METTL15: variants seen among roughly 807,000 people sequenced by gnomAD.
METTL15 encodes methyltransferase 15, mitochondrial 12S rRNA N4-cytidine.
Under a neutral mutation model 38.3 loss-of-function variants are expected in METTL15, and 34 were observed. The observed-to-expected ratio is 0.89, with a 90% CI of 0.68 to 1.18. The LOEUF (loss-of-function observed/expected upper bound fraction) is 1.18. Ranked by LOEUF, METTL15 falls within the 50% of genes most tolerant of loss-of-function variation. METTL15 has a pLI of 0.00. For synonymous variants in METTL15, 162 were observed against 170.9 expected, an observed-to-expected ratio of 0.95 and a Z score of 0.41; for missense variants, 438 against 498.4, an observed-to-expected ratio of 0.88 and a Z score of 1.15.
intron 4 of METTL15, among the ~76,000 whole-genome samples, chr11:28,358,044 T>G (rs772188147): frequency 2.0e-5 from 3 of 151,956 alleles, no homozygotes; most frequent in African/African-American, 7.3e-5. Context: ...GATAGAGAGA[T>G]TGAATGATTC....
chr11:28,283,508 A>G (rs1417493315), intron 4 of METTL15, among the ~76,000 whole-genome samples: 2 of 152,194 alleles, frequency 1.3e-5, no homozygotes, highest in Non-Finnish European at 2.9e-5. Flanking sequence ...ATGAAGGTCC[A>G]TGTTCCATGT....
intron 4 of METTL15, among the ~76,000 whole-genome samples, chr11:28,224,174 T>C (rs1196821423): frequency 6.6e-6 from 1 of 152,030 alleles, no homozygotes; most frequent in Non-Finnish European, 1.5e-5. Context: ...TCATTTCATC[T>C]TTCTAATTGT....
intron 3 of METTL15, among the ~76,000 whole-genome samples, chr11:28,351,141 CTTGCTCTG>C: frequency 6.6e-6 from 1 of 151,782 alleles, no homozygotes; most frequent in Middle Eastern, 3.4e-3. Flanking sequence ...AAGATGGAAT[CTTGCTCTG>C]TTGCTAGGCT....
chr11:28,230,521 G>C (rs1173892070), intron 4 of METTL15, among the ~76,000 whole-genome samples: 1 of 151,814 alleles, frequency 6.6e-6, no homozygotes, highest in Non-Finnish European at 1.5e-5. Context: ...TACCTAGAAA[G>C]ACTTCATTTT....
At chr11:28,374,333 T>C (rs1850281444) in intron 5 of METTL15, among the ~76,000 whole-genome samples, 1 of 152,134 alleles carries the variant, frequency 6.6e-6, no homozygotes, top group African/African-American at 2.4e-5. Flanking sequence ...TATCCTCTTT[T>C]ATTTCATTGA....
chr11:28,448,648 T>C (rs555825850), intron 6 of METTL15, among the ~76,000 whole-genome samples: 1 of 152,276 alleles, frequency 6.6e-6, no homozygotes, highest in East Asian at 1.9e-4. Context: ...TCTCTCTAAA[T>C]CTACCTAAGT....
At chr11:28,197,551 T>G (rs1851954720) in intron 3 of METTL15, 1 of 443,218 alleles carries the variant, frequency 2.3e-6, no homozygotes, top group African/African-American at 2.0e-5. Context: ...CTCAGAGAAG[T>G]TAAGTAACTT....
chr11:28,422,045 G>A (rs1010637527), intron 5 of METTL15, among the ~76,000 whole-genome samples: 1 of 151,804 alleles, frequency 6.6e-6, no homozygotes, highest in Non-Finnish European at 1.5e-5. Context: ...TATGCCAACA[G>A]CAAACAATCT....
chr11:28,513,665 A>G (rs1466863843), intron 6 of METTL15, among the ~76,000 whole-genome samples: 1 of 152,246 alleles, frequency 6.6e-6, no homozygotes, highest in Admixed American at 6.5e-5. Flanking sequence ...CAAGCCAGTC[A>G]TTAGCATTGT....
intron 5 of METTL15, among the ~76,000 whole-genome samples, chr11:28,412,235 C>A (rs564028664): frequency 6.6e-6 from 1 of 151,946 alleles, no homozygotes; most frequent in Admixed American, 6.6e-5. Flanking sequence ...AGCAGTCTGT[C>A]TTCTGGGTAT....
At chr11:28,368,430 T>C (rs903825236) in intron 5 of METTL15, among the ~76,000 whole-genome samples, 1 of 151,954 alleles carries the variant, frequency 6.6e-6, no homozygotes, top group Admixed American at 6.6e-5. Context: ...ATTAGAAAAA[T>C]GCAAGTCAAA....
chr11:28,351,420 G>C (rs1850040802), intron 3 of METTL15, among the ~76,000 whole-genome samples: 1 of 152,114 alleles, frequency 6.6e-6, no homozygotes, highest in Non-Finnish European at 1.5e-5. Flanking sequence ...CGGGCCCAAA[G>C]CTATGAATTC....
In METTL15 at chr11:28,396,684, C is replaced by T. The variant is rs1245395305; in HGVS notation, c.*359-27615C>T. ...TACTGCCCAAGGTAATTTATAGATTCAATGCCATCCCCATCAAGCTACCAA... is the reference window on the plus strand; with the variant it reads ...TACTGCCCAAGGTAATTTATAGATTTAATGCCATCCCCATCAAGCTACCAA... On this transcript the variant is annotated intron_variant and NMD_transcript_variant, in intron 5 of 7. Transcript: ENST00000532947. Among the ~76,000 whole-genome samples, 3 of 152,090 alleles carry T rather than the reference C, an allele frequency of 2.0e-5. No individual in the cohort carries two copies. The East Asian group carries it at 5.8e-4, about 29-fold the overall frequency.
Position 28,500,820 on chromosome 11 carries a change from G to A in METTL15, c.*425-25658G>A, listed in dbSNP as rs143970873. Among the ~76,000 whole-genome samples, 1,117 of 152,264 alleles carry A rather than the reference G, an allele frequency of 7.3e-3. 1 individual carries two copies. The highest frequency in any genetic ancestry group is 0.01 in the Middle Eastern group (3 of 294). On this transcript the variant is annotated intron_variant and NMD_transcript_variant, in intron 6 of 7. Transcript: ENST00000532947. ...TTACAGGCGTGAGCCACTGCACCCG[G>A]CTTTGAATGCTTTTAATGTGTTCTT...
intron 4 of METTL15, among the ~76,000 whole-genome samples, chr11:28,243,499 AAC>A (rs1854387097): frequency 6.6e-6 from 1 of 152,224 alleles, no homozygotes; most frequent in African/African-American, 2.4e-5. Context: ...TATGTATCAT[AAC>A]TATAGGCATT....
intron 6 of METTL15, among the ~76,000 whole-genome samples, chr11:28,515,873 G>T (rs533780346): frequency 6.6e-6 from 1 of 152,176 alleles, no homozygotes; most frequent in Non-Finnish European, 1.5e-5. Flanking sequence ...AGAAGTGCTG[G>T]AAAGTCTCTA....
At chr11:28,319,721 A>C (rs1849394578) in intron 6 of METTL15, among the ~76,000 whole-genome samples, 1 of 152,180 alleles carries the variant, frequency 6.6e-6, no homozygotes, top group African/African-American at 2.4e-5. Flanking sequence ...AATACTGTGG[A>C]ATGGTTATTA....
At chr11:28,115,965 C>CAT (rs1381791123) in intron 3 of METTL15, among the ~76,000 whole-genome samples, 1 of 150,988 alleles carries the variant, frequency 6.6e-6, no homozygotes, top group African/African-American at 2.4e-5. Context: ...CACACACACA[C>CAT]AACCCTACCG....
intron 3 of METTL15, chr11:28,163,635 CTATT>C (rs1182993066): frequency 3.3e-5 from 13 of 393,274 alleles, no homozygotes; most frequent in Non-Finnish European, 5.4e-5. Flanking sequence ...ATAATGTTAT[CTATT>C]TAATTTTCCC....
Sources: gnomAD v4.1 joint callset for allele counts (sites outside exome capture counted in the v4.1 genomes callset) on GRCh38, gnomAD v4.1.1 for gene constraint, MANE v1.5 for transcripts, NCBI Gene and HGNC (gene_info 2026-07-23, HGNC 2026-07-21) for gene names.